Variants in FGFR2 observed in about 807,000 individuals in gnomAD.
The protein encoded by FGFR2 is fibroblast growth factor receptor 2.
Under a neutral mutation model 95.9 loss-of-function variants are expected in FGFR2, and 19 were observed. The ratio of observed to expected loss-of-function variants is 0.20; its 90% CI spans 0.14 to 0.29. The LOEUF (loss-of-function observed/expected upper bound fraction) is 0.29. FGFR2 is among the 10% of genes least tolerant of loss of function. The pLI, the probability that FGFR2 is intolerant of heterozygous loss-of-function variation, is 1.00. For synonymous variants in FGFR2, 392 were observed against 393.3 expected (o/e 1.00, Z 0.04); for missense variants, 707 against 1,056.9 (o/e 0.67, Z 4.59).
At position 121,487,995 on chromosome 10, in the gene FGFR2, G is replaced by C. The variant is rs2133834509; in HGVS notation, c.1982C>G (p.Thr661Ser). 6.2e-7 allele frequency: 1 copy of C among 1,614,068 alleles called. No homozygotes were observed. The highest frequency in any genetic ancestry group is 1.1e-5 in the South Asian group (1 of 91,078). ...INNIDYYKKT[T>S]NGRLPVKWMA... ...GTGTTACTGCCATCGACTTACATTG[G>C]TGGTCTTTTTGTAATAGTCTATATT... The change falls in exon 14 of 18, where the codon ACC becomes AGC. Residue 661 changes from threonine to serine, a missense_variant. Thr to Ser is a moderately conservative substitution (Grantham distance 58). Around this residue, in one of 7 missense-constraint regions of FGFR2, gnomAD observed 104 missense variants for 214.2 expected, o/e 0.49. Transcript: ENST00000358487.
chr10:121,515,116 C>A lies in FGFR2; in HGVS notation c.1287+1G>T. The stretch of plus-strand genomic sequence containing the variant: ...TTTCTTTAAACTCTTTATCTACTTT[C>A]TGTTACCTGTCTCCGCAGGGGGATA... On this transcript the variant is annotated splice_donor_variant, in intron 9 of 17. Coordinates refer to ENST00000358487, the MANE Select transcript of FGFR2 (RefSeq NM_000141.5). LOFTEE classifies it high-confidence loss of function. 9 of 1,614,026 alleles carry A rather than the reference C, an allele frequency of 5.6e-6. No homozygotes were observed. Among genetic ancestry groups the A allele is most frequent in the Non-Finnish European group, 7.6e-6 (9 of 1,179,886 alleles).
chr10:121,537,960 C>T lies in FGFR2; in HGVS notation c.748+632G>A, dbSNP rs373932511. 4.3e-4 allele frequency: 76 copies of T among 176,988 alleles called. No homozygotes were observed. The South Asian group carries it at 9.6e-3, about 22-fold the overall frequency. The allele number at this position is 176,988 out of a possible 1,614,324, so 11.0% of individuals were successfully genotyped here. A position where few individuals can be genotyped will look rare whatever the true frequency, so the allele number is the denominator to read the frequency against. ...AAACTTGAATTTCCAAGACAACAGG[C>T]GAGGTGGTCTTCAATGTTTAATTAA... On this transcript the variant is annotated intron_variant, in intron 6 of 17. Coordinates refer to ENST00000358487, the MANE Select transcript of FGFR2 (RefSeq NM_000141.5).
intron 17 of FGFR2, among the ~76,000 whole-genome samples, chr10:121,481,477 T>C (rs1247903068): frequency 6.6e-6 from 1 of 151,924 alleles, no homozygotes; most frequent in Non-Finnish European, 1.5e-5. Flanking sequence ...CATCCCAGCA[T>C]CCCAGAAGGG....
At position 121,598,186 on chromosome 10, in the gene FGFR2, G is replaced by A. The variant is rs1430770200; in HGVS notation, c.-375C>T. 6 of 398,080 alleles carry A rather than the reference G, an allele frequency of 1.5e-5. No homozygotes were observed. Among genetic ancestry groups the A allele is most frequent in the Middle Eastern group, 6.3e-4 (1 of 1,588 alleles). 24.7% of individuals were successfully genotyped at this position (398,080 alleles called of 1,614,324 possible). A position where few individuals can be genotyped will look rare whatever the true frequency, so the allele number is the denominator to read the frequency against. On this transcript the variant is annotated 5_prime_UTR_variant, in exon 1 of 18. Coordinates refer to ENST00000358487, the MANE Select transcript of FGFR2 (RefSeq NM_000141.5). ...CTGCCCTCGGATTTGGGGAACGAGA[G>A]GAAGAAAGGACTCAGGCTTGGCGTT...
At chr10:121,571,735 G>C (rs938040660) in intron 2 of FGFR2, among the ~76,000 whole-genome samples, 14 of 151,998 alleles carry the variant, frequency 9.2e-5, no homozygotes, top group Non-Finnish European at 1.6e-4. Flanking sequence ...CCTGAGGTCA[G>C]GAGTTCGAGA....
chr10:121,581,583 AAAAAAAAGAAAAAAAGAAAG>A (rs1860885249), intron 2 of FGFR2, among the ~76,000 whole-genome samples: 1 of 151,202 alleles, frequency 6.6e-6, no homozygotes, highest in Non-Finnish European at 1.5e-5. Context: ...ACCAAAAAAA[AAAAAAAAGAAAAAAAGAAAG>A]AAAAAAGAAA....
At chr10:121,552,467 T>C (rs1164267548) in intron 4 of FGFR2, among the ~76,000 whole-genome samples, 1 of 152,200 alleles carries the variant, frequency 6.6e-6, no homozygotes, top group Non-Finnish European at 1.5e-5. Context: ...GTGGGGAAAC[T>C]GAGGCACAGA....
intron 2 of FGFR2, among the ~76,000 whole-genome samples, chr10:121,582,598 C>A (rs1861113501): frequency 6.6e-6 from 1 of 151,938 alleles, no homozygotes; most frequent in Non-Finnish European, 1.5e-5. Context: ...AGTTCGAGAC[C>A]AACATGGTGA....
At chr10:121,577,931 C>G (rs1378492254) in intron 2 of FGFR2, among the ~76,000 whole-genome samples, 1 of 152,138 alleles carries the variant, frequency 6.6e-6, no homozygotes, top group Non-Finnish European at 1.5e-5. Context: ...GCCCAAGCTC[C>G]AAGTCGGCCC....
At chr10:121,587,392 G>T (rs530153822) in intron 2 of FGFR2, among the ~76,000 whole-genome samples, 2 of 152,228 alleles carry the variant, frequency 1.3e-5, no homozygotes, top group African/African-American at 4.8e-5. Context: ...TGCAACAAAA[G>T]CAAAAATTGA....
Position 121,519,967 on chromosome 10 carries a change from G to GA in FGFR2, c.939+11dup, listed in dbSNP as rs1314397829. On this transcript the variant is annotated intron_variant, in intron 7 of 17. Transcript: ENST00000358487. ...CCAGTTGTGGGTACCTTTAGATTCA[G>GA]AAAGTCCTCACCTTGAGAACCTTGA... 1 of 1,614,018 alleles carries GA rather than the reference G, an allele frequency of 6.2e-7. No homozygotes were observed. The highest frequency in any genetic ancestry group is 8.5e-7 in the Non-Finnish European group (1 of 1,179,880).
At chr10:121,520,916 T>A (rs977514467) in intron 6 of FGFR2, among the ~76,000 whole-genome samples, 7 of 152,250 alleles carry the variant, frequency 4.6e-5, no homozygotes, top group Non-Finnish European at 7.3e-5. Flanking sequence ...TTGCTGGGAT[T>A]ACAGACGTGA....
In FGFR2 at chr10:121,479,545, T is replaced by G. The variant is rs1466421825; in HGVS notation, c.*312A>C. ...AAATCTTCTCCAATTATTACAAAAT[T>G]AACAAGGAAGGCAGAACGCACGTCC... On this transcript the variant is annotated 3_prime_UTR_variant, in exon 18 of 18. Transcript: ENST00000358487. 4.6e-6 allele frequency: 7 copies of G among 1,509,608 alleles called. No individual in the cohort carries two copies. Among genetic ancestry groups the G allele is most frequent in the Non-Finnish European group, 6.3e-6 (7 of 1,117,630 alleles). 93.5% of individuals were successfully genotyped at this position (1,509,608 alleles called of 1,614,324 possible). A position where few individuals can be genotyped will look rare whatever the true frequency, so the allele number is the denominator to read the frequency against.
chr10:121,593,623 G>T (rs889218040), intron 2 of FGFR2, 86 bp downstream of exon 2: 2 of 1,164,370 alleles, frequency 1.7e-6, no homozygotes, highest in Non-Finnish European at 2.5e-6. Context: ...TACAATGCAA[G>T]GGTAGCTGAT....
At chr10:121,540,968 G>A (rs1564954432) in intron 5 of FGFR2, among the ~76,000 whole-genome samples, 1 of 152,122 alleles carries the variant, frequency 6.6e-6, no homozygotes, top group Non-Finnish European at 1.5e-5. Flanking sequence ...GGCATATGCA[G>A]CTTGGCTCAC....
In FGFR2 at chr10:121,593,713, T is replaced by C. The variant is rs780856634; in HGVS notation, c.105A>G (p.Pro35=). The stretch of plus-strand genomic sequence containing the variant: ...AAGTGAAATTAAATGACTTACCTTC[T>C]GGCTCTAATGTGGTATCCTCAACTA... ...FSLVEDTTLE[P]EEPPTKYQIS... is the part of the protein sequence containing the mutation. The change falls in exon 2 of 18, where the codon CCA becomes CCG. Residue 35 remains proline, a synonymous_variant. Transcript: ENST00000358487. 4 of 1,613,768 alleles carry C rather than the reference T, an allele frequency of 2.5e-6. No homozygotes were observed. The highest frequency in any genetic ancestry group is 2.5e-6 in the Non-Finnish European group (3 of 1,179,662).
chr10:121,570,399 C>T (rs888340936), intron 2 of FGFR2, among the ~76,000 whole-genome samples: 1 of 152,222 alleles, frequency 6.6e-6, no homozygotes, highest in Non-Finnish European at 1.5e-5. Context: ...TGCAAAGGGG[C>T]CTCCCTAACT....
chr10:121,532,759 A>G (rs147555542), intron 6 of FGFR2, among the ~76,000 whole-genome samples: 79 of 152,162 alleles, frequency 5.2e-4, no homozygotes, highest in African/African-American at 1.8e-3. Context: ...CCAGGTGTCA[A>G]CTCCACATTC....
At chr10:121,507,863 T>C (rs1848528831) in intron 9 of FGFR2, among the ~76,000 whole-genome samples, 1 of 152,232 alleles carries the variant, frequency 6.6e-6, no homozygotes, top group Non-Finnish European at 1.5e-5. Context: ...CAGTCCTCCA[T>C]ATCTGTGGGT....
Sources: allele counts gnomAD v4.1 joint callset (sites outside exome capture counted in the v4.1 genomes callset), GRCh38; gene constraint gnomAD v4.1.1; regional missense constraint gnomAD v4.1.1; transcripts MANE v1.5; gene names NCBI Gene and HGNC (gene_info 2026-07-23, HGNC 2026-07-21).